ATP7B: variants seen among roughly 807,000 people sequenced by gnomAD.
ATP7B encodes the protein copper-transporting ATPase 2.
In ATP7B, 113 loss-of-function variants were observed where a neutral mutation model predicts 118.9. The observed-to-expected ratio is 0.95, with a 90% CI of 0.82 to 1.11. The LOEUF (loss-of-function observed/expected upper bound fraction) is 1.11. ATP7B is among the 50% of genes most tolerant of loss of function. The pLI, the probability that ATP7B is intolerant of heterozygous loss-of-function variation, is 0.00. For missense variants in ATP7B, 1,867 were observed against 1,871.4 expected (o/e 1.00, Z 0.04); for synonymous variants, 777 against 727.4 (o/e 1.07, Z -1.10).
chr13:52,011,476 G>C, upstream of ATP7B: 1 of 929,750 alleles, frequency 1.1e-6, no homozygotes, highest in Non-Finnish European at 1.7e-6. Flanking sequence ...CGGCTCTAAA[G>C]CAAACAGGGG....
At position 52,011,273 on chromosome 13, in the gene ATP7B, G is replaced by A. The variant is rs1566687529; in HGVS notation, c.51+14C>T. On this transcript the variant is annotated intron_variant, in intron 1 of 20. Coordinates refer to ENST00000242839, the MANE Select transcript of ATP7B (RefSeq NM_000053.4). Reference sequence around the variant, plus strand: ...AGTGAGCACGCTGCGCGGACGCGGGGGAACAAAACTCACTTTCCGACTGGC... The same window carrying A: ...AGTGAGCACGCTGCGCGGACGCGGGAGAACAAAACTCACTTTCCGACTGGC... The A allele has an allele frequency of 1.2e-6, 2 of 1,614,210 alleles. No individual in the cohort carries two copies. The highest frequency in any genetic ancestry group is 1.3e-5 in the African/African-American group (1 of 75,078).
chr13:51,935,855 C>T (rs559211523), intron 19 of ATP7B, among the ~76,000 whole-genome samples, 160 bp from the exon 20 acceptor site: 2 of 152,352 alleles, frequency 1.3e-5, no homozygotes, highest in Admixed American at 1.3e-4. Context: ...AGGCCCCCCC[C>T]AAAGTGAGGC....
chr13:52,004,921 G>T (rs1170723375), intron 1 of ATP7B, among the ~76,000 whole-genome samples: 1 of 152,198 alleles, frequency 6.6e-6, no homozygotes, highest in African/African-American at 2.4e-5. Context: ...GCTGCAGTTA[G>T]CACCACATGG....
At chr13:51,959,508 CA>C (rs1164449623) in intron 7 of ATP7B, 5,932 of 58,300 alleles carry the variant, frequency 0.1, 331 homozygotes, top group African/African-American at 0.26. Flanking sequence ...GACCCTGTCT[CA>C]AAAAAAAAAA....
At chr13:51,959,787 T>C (rs1444078923) in intron 7 of ATP7B, 10 of 328,380 alleles carry the variant, frequency 3.0e-5, no homozygotes, top group Non-Finnish European at 5.9e-5. Context: ...GGTGATCCAG[T>C]TGTTGCTTCC....
At chr13:52,010,951 T>A (rs944021953) in intron 1 of ATP7B, among the ~76,000 whole-genome samples, 1 of 152,254 alleles carries the variant, frequency 6.6e-6, no homozygotes, top group Non-Finnish European at 1.5e-5. Flanking sequence ...AGCACCAGGC[T>A]CTGAGTAACT....
At position 51,942,393 on chromosome 13, in the gene ATP7B, T is replaced by G; in HGVS notation, c.3405A>C (p.Ala1135=). The part of the protein sequence containing the change: ...SHLNEAGSLP[A]EKDAVPQTFS... ...GACAAAAGCCAGCAATACCTTTTTCTGCGGGAAGGCTGCCAGCCTCATTCA... is the reference window on the plus strand; with the variant it reads ...GACAAAAGCCAGCAATACCTTTTTCGGCGGGAAGGCTGCCAGCCTCATTCA... The change falls in exon 15 of 21, where the codon GCA becomes GCC. Residue 1135 remains alanine (A), a synonymous_variant. Transcript: ENST00000242839. The G allele has an allele frequency of 6.2e-7, 1 of 1,614,164 alleles. No homozygotes were observed. The highest frequency in any genetic ancestry group is 8.5e-7 in the Non-Finnish European group (1 of 1,180,036).
chr13:51,966,456 T>C (rs1369502500), intron 4 of ATP7B, among the ~76,000 whole-genome samples: 6 of 152,196 alleles, frequency 3.9e-5, no homozygotes, highest in Non-Finnish European at 8.8e-5. Context: ...CCGTACCATG[T>C]TGTGTATCCT....
At chr13:51,943,445 G>T (rs1226783634) in intron 14 of ATP7B, among the ~76,000 whole-genome samples, 2 of 152,186 alleles carry the variant, frequency 1.3e-5, no homozygotes, top group African/African-American at 2.4e-5. Context: ...AGGAAGAGTT[G>T]TCAATTGTTT....
intron 15 of ATP7B, among the ~76,000 whole-genome samples, chr13:51,941,445 T>C (rs565105604): frequency 1.3e-5 from 2 of 152,136 alleles, no homozygotes; most frequent in African/African-American, 2.4e-5. Context: ...TAATAGTACA[T>C]GCTACATGGG....
At chr13:51,940,396 G>A (rs971762517) in intron 16 of ATP7B, among the ~76,000 whole-genome samples, 1 of 148,360 alleles carries the variant, frequency 6.7e-6, no homozygotes, top group African/African-American at 2.5e-5. Context: ...GCTCACGCCT[G>A]TAATCCCAGC....
intron 1 of ATP7B, among the ~76,000 whole-genome samples, chr13:52,002,564 G>A (rs1333296115): frequency 1.4e-5 from 2 of 145,382 alleles, no homozygotes; most frequent in Admixed American, 6.8e-5. Flanking sequence ...AAACAAGAGG[G>A]GCAGGGAGGC....
At chr13:51,981,004 A>G (rs568648214) in intron 1 of ATP7B, among the ~76,000 whole-genome samples, 45 of 152,288 alleles carry the variant, frequency 3.0e-4, no homozygotes, top group African/African-American at 1.1e-3. Flanking sequence ...AATGATTCTG[A>G]GTGTTATTTT....
chr13:51,960,262 GATC>G lies in ATP7B; in HGVS notation c.2004_2006del (p.Met668del), dbSNP rs2139609226. On this transcript the variant is annotated inframe_deletion, in exon 7 of 21. Coordinates refer to ENST00000242839, the MANE Select transcript of ATP7B (RefSeq NM_000053.4). ...GCTCGTTGCTGGGTATCAGCATATA[GATC>G]ATTAAGGCCATGACAGGGATGCCAA... is the stretch of plus-strand genomic sequence containing the variant. 2 of 1,613,940 alleles carry G rather than the reference GATC, an allele frequency of 1.2e-6. No homozygotes were observed. The highest frequency in any genetic ancestry group is 4.5e-5 in the East Asian group (2 of 44,890).
chr13:51,970,539 C>T lies in ATP7B; in HGVS notation c.1496G>A (p.Cys499Tyr), dbSNP rs61733681. ...TTCTATGTTAGACACACAGGATGCA[C>T]AGGTCATGCCTTTGATCTGTAAGAA... Reference protein sequence around the residue: ...KCFLQIKGMTCASCVSNIERN... With the variant: ...KCFLQIKGMTYASCVSNIERN... Residue 499 changes from cysteine (C) to tyrosine (Y), a missense_variant, in exon 3 of 21, where the codon TGT becomes TAT. Coordinates refer to ENST00000242839, the MANE Select transcript of ATP7B (RefSeq NM_000053.4). 6.8e-6 allele frequency: 11 copies of T among 1,614,176 alleles called. No homozygotes were observed. The highest frequency in any genetic ancestry group is 5.9e-6 in the Non-Finnish European group (7 of 1,180,024).
At chr13:51,941,300 C>G in intron 15 of ATP7B, 76 bp from the exon 16 acceptor site, 1 of 1,552,086 alleles carries the variant, frequency 6.4e-7, no homozygotes, top group Non-Finnish European at 8.9e-7. Flanking sequence ...ATCCTTTTAA[C>G]AGCAAAATAT....
rs1956913934 is a variant in ATP7B at position 51,935,637 on chromosome 13, T to C, written c.4080A>G (p.Ala1360=). 3 of 1,613,854 alleles carry C rather than the reference T, an allele frequency of 1.9e-6. No homozygotes were observed. Among genetic ancestry groups the C allele is most frequent in the Non-Finnish European group, 2.5e-6 (3 of 1,179,962 alleles). Residue 1360 remains alanine, a synonymous_variant, in exon 20 of 21, where the codon GCA becomes GCG. Coordinates refer to ENST00000242839, the MANE Select transcript of ATP7B (RefSeq NM_000053.4). ...AGAGCACCACAGACACAGAGGAGGC[T>C]GCCATGGCCGCTGAGCCCATCCAGG... ...LQPWMGSAAM[A]ASSVSVVLSS...
intron 1 of ATP7B, chr13:51,978,780 A>C (rs938092033): frequency 1.1e-4 from 17 of 152,358 alleles, no homozygotes; most frequent in African/African-American, 4.1e-4. Flanking sequence ...CTGTTGCTAC[A>C]TGACAAACCA....
At position 51,968,387 on chromosome 13, in the gene ATP7B, G is replaced by C. The variant is rs115419294; in HGVS notation, c.1707+57C>G. Reference sequence around the variant, plus strand: ...ATTTACTAATCACAAAGATGGATGTGTCCAAAATGCAAACTGTCAGAAGCC... The same window carrying C: ...ATTTACTAATCACAAAGATGGATGTCTCCAAAATGCAAACTGTCAGAAGCC... On this transcript the variant is annotated intron_variant, in intron 4 of 20. Transcript: ENST00000242839. 77 of 1,611,804 alleles carry C rather than the reference G, an allele frequency of 4.8e-5. No individual in the cohort carries two copies. In the South Asian group the frequency reaches 8.4e-4, roughly 17 times the overall value.
Sources: allele counts gnomAD v4.1 joint callset (sites outside exome capture counted in the v4.1 genomes callset), GRCh38; gene constraint gnomAD v4.1.1; transcripts MANE v1.5; gene names NCBI Gene and HGNC (gene_info 2026-07-23, HGNC 2026-07-21).